PSMB2: variants seen among roughly 807,000 people sequenced by gnomAD.
The protein encoded by PSMB2 is proteasome subunit beta type-2.
A neutral mutation model predicts 25.7 loss-of-function variants in PSMB2; 13 were observed. That is an observed-to-expected ratio of 0.51 (90% CI 0.33 to 0.80). The LOEUF is 0.80. Among genes scored for constraint, PSMB2 ranks in the 30% least tolerant of loss-of-function variants. PSMB2 has a pLI of 0.02. For synonymous variants in PSMB2, 87 were observed against 96.2 expected (o/e 0.90, Z 0.56); for missense variants, 202 against 259.0 (o/e 0.78, Z 1.51).
At chr1:35,628,666 T>C (rs1459018663) in intron 3 of PSMB2, among the ~76,000 whole-genome samples, 1 of 122,742 alleles carries the variant, frequency 8.1e-6, no homozygotes, top group Non-Finnish European at 1.6e-5. Flanking sequence ...AGACTACTGA[T>C]CTTTCACCCA....
chr1:35,613,310 A>G (rs111906716), intron 3 of PSMB2, among the ~76,000 whole-genome samples: 5,864 of 152,008 alleles, frequency 0.039, 354 homozygotes, highest in African/African-American at 0.12. Flanking sequence ...GGCCAAGGTG[A>G]GAGGACTGCT....
chr1:35,639,427 ATCTT>A (rs1384581300), intron 1 of PSMB2, among the ~76,000 whole-genome samples: 5 of 152,210 alleles, frequency 3.3e-5, no homozygotes, highest in Admixed American at 6.5e-5. Context: ...TACCATAGTT[ATCTT>A]TCTTTTATTA....
chr1:35,630,011 G>A (rs908331621), intron 3 of PSMB2, among the ~76,000 whole-genome samples: 12 of 151,464 alleles, frequency 7.9e-5, no homozygotes, highest in Non-Finnish European at 7.4e-5. Flanking sequence ...CCCCGTGTCT[G>A]CTAAAAATAC....
chr1:35,606,663 G>T (rs1355645086), intron 4 of PSMB2, among the ~76,000 whole-genome samples: 3 of 151,986 alleles, frequency 2.0e-5, no homozygotes, highest in African/African-American at 7.2e-5. Context: ...CTATCAAAAT[G>T]CCAATGACAT....
chr1:35,631,494 G>A, intron 2 of PSMB2, 150 bp from the exon 3 acceptor site: 2 of 1,447,608 alleles, frequency 1.4e-6, no homozygotes, highest in Non-Finnish European at 1.8e-6. Context: ...TCCTACTCTA[G>A]TCCCTTTCCT....
Position 35,602,826 on chromosome 1 carries a change from T to C in PSMB2, c.*441A>G, listed in dbSNP as rs1000945754. The C allele has an allele frequency of 2.5e-6, 2 of 808,784 alleles. No homozygotes were observed. The highest frequency in any genetic ancestry group is 3.0e-6 in the Non-Finnish European group (2 of 667,574). 50.1% of individuals were successfully genotyped at this position (808,784 alleles called of 1,614,324 possible). A position where few individuals can be genotyped will look rare whatever the true frequency, so the allele number is the denominator to read the frequency against. On this transcript the variant is annotated 3_prime_UTR_variant, in exon 6 of 6. Coordinates refer to ENST00000373237, the MANE Select transcript of PSMB2 (RefSeq NM_002794.5). ...AGAAATATTTTTCACTACATGTTTT[T>C]GTACTGTTTGCATGTTACATTAAGT... is the stretch of plus-strand genomic sequence containing the variant.
chr1:35,606,343 T>A (rs974227356), intron 4 of PSMB2, among the ~76,000 whole-genome samples: 1 of 152,140 alleles, frequency 6.6e-6, no homozygotes, highest in Non-Finnish European at 1.5e-5. Context: ...GATAAATGAA[T>A]TCCATAAAGT....
rs189376259 is a variant in PSMB2 at position 35,637,674 on chromosome 1, T to C, written c.92-1242A>G. ...ATGCTACTGTCAAATACTTTACAAG[T>C]GTTTCAGAGTTGTAGATACCAGTAA... On this transcript the variant is annotated intron_variant, in intron 1 of 5. Transcript: ENST00000373237. 2.6e-4 allele frequency among the ~76,000 whole-genome samples: 40 copies of C among 152,338 alleles called. No individual in the cohort carries two copies. In the East Asian group the frequency reaches 7.1e-3, roughly 27 times the overall value.
chr1:35,626,678 A>ATC (rs1255055305), intron 3 of PSMB2, among the ~76,000 whole-genome samples: 7 of 152,266 alleles, frequency 4.6e-5, no homozygotes, highest in Non-Finnish European at 8.8e-5. Context: ...TTGGAAACAT[A>ATC]TCTAAGAGAA....
At chr1:35,634,737 T>G (rs1651196627) in intron 2 of PSMB2, among the ~76,000 whole-genome samples, 3 of 151,792 alleles carry the variant, frequency 2.0e-5, no homozygotes, top group Admixed American at 1.3e-4. Context: ...ACTTAAAAAG[T>G]CTGATACTAC....
rs770346211 is a variant in PSMB2, at chr1:35,602,791, C to T, written c.*476G>A. 5.9e-5 allele frequency: 40 copies of T among 674,116 alleles called. No homozygotes were observed. Among genetic ancestry groups the T allele is most frequent in the Non-Finnish European group, 7.3e-5 (40 of 545,294 alleles). 41.8% of individuals were successfully genotyped at this position (674,116 alleles called of 1,614,324 possible). A position where few individuals can be genotyped will look rare whatever the true frequency, so the allele number is the denominator to read the frequency against. On this transcript the variant is annotated 3_prime_UTR_variant, in exon 6 of 6. Transcript: ENST00000373237. ...GATTACAGGTATGAGCCACCACACC[C>T]AGCTCTGGAAGAAATATTTTTCACT...
intron 3 of PSMB2, among the ~76,000 whole-genome samples, chr1:35,626,929 A>C (rs1208283463): frequency 6.6e-6 from 1 of 152,190 alleles, no homozygotes; most frequent in Admixed American, 6.5e-5. Flanking sequence ...AAGTTGATTT[A>C]GCATTCAGGC....
intron 4 of PSMB2, among the ~76,000 whole-genome samples, chr1:35,606,267 A>G (rs1374302633): frequency 6.6e-6 from 1 of 152,140 alleles, no homozygotes; most frequent in Non-Finnish European, 1.5e-5. Flanking sequence ...AAATGTCCCT[A>G]TTTGCAGATG....
At chr1:35,618,524 CAT>C (rs1265643825) in intron 3 of PSMB2, among the ~76,000 whole-genome samples, 2 of 147,912 alleles carry the variant, frequency 1.4e-5, no homozygotes, top group East Asian at 4.0e-4. Context: ...TTGAGGGTGA[CAT>C]ATGTGGTGGG....
At chr1:35,616,576 G>A (rs1650495780) in intron 3 of PSMB2, among the ~76,000 whole-genome samples, 1 of 152,092 alleles carries the variant, frequency 6.6e-6, no homozygotes, top group African/African-American at 2.4e-5. Flanking sequence ...AATATTTTAA[G>A]TTTTAAAACA....
At position 35,641,396 on chromosome 1, in the gene PSMB2, C is replaced by G; in HGVS notation, c.37G>C (p.Val13Leu). ...YLIGIQGPDYVLVASDRVAAS... is the reference protein window; with the variant it reads ...YLIGIQGPDYLLVASDRVAAS... ...GCCACCCGGTCGGAGGCGACAAGAA[C>G]ATAGTCGGGGCCTTGGATACCGATG... Residue 13 changes from valine to leucine, a missense_variant, in exon 1 of 6, where the codon GTT (valine) becomes CTT (leucine). By Grantham distance (32) the Val-to-Leu change is conservative (BLOSUM62 1). Coordinates refer to ENST00000373237, the MANE Select transcript of PSMB2 (RefSeq NM_002794.5). 1 of 1,614,138 alleles carries G rather than the reference C, an allele frequency of 6.2e-7. No individual in the cohort carries two copies. The highest frequency in any genetic ancestry group is 1.3e-5 in the African/African-American group (1 of 75,034).
intron 3 of PSMB2, among the ~76,000 whole-genome samples, chr1:35,612,023 G>A (rs1291149157): frequency 6.6e-6 from 1 of 151,924 alleles, no homozygotes; most frequent in Non-Finnish European, 1.5e-5. Flanking sequence ...GTGCTAAGTA[G>A]AAAGGGTTCC....
intron 3 of PSMB2, among the ~76,000 whole-genome samples, chr1:35,626,175 T>G (rs1650854413): frequency 1.3e-5 from 2 of 152,324 alleles, no homozygotes; most frequent in South Asian, 4.1e-4. Flanking sequence ...AAGCCCTTTT[T>G]CTGCTCTTTG....
At chr1:35,626,263 T>C (rs374518037) in intron 3 of PSMB2, among the ~76,000 whole-genome samples, 3 of 152,232 alleles carry the variant, frequency 2.0e-5, no homozygotes, top group African/African-American at 7.2e-5. Context: ...GGCTTCTGAA[T>C]TTTTTCCCCA....
Sources: allele counts gnomAD v4.1 joint callset (sites outside exome capture counted in the v4.1 genomes callset), GRCh38; gene constraint gnomAD v4.1.1; transcripts MANE v1.5; gene names NCBI Gene and HGNC (gene_info 2026-07-23, HGNC 2026-07-21).